Variants in CSMD2 observed in about 807,000 individuals in gnomAD.
CSMD2 encodes CUB and Sushi multiple domains 2, also known as CUB and sushi domain-containing protein 2.
CSMD2 carries 130 observed loss-of-function variants against 398.5 expected under a neutral mutation model. The observed-to-expected ratio is 0.33, with a 90% CI of 0.28 to 0.38. The LOEUF is 0.38. CSMD2 is among the 10% of genes least tolerant of loss of function. CSMD2 has a pLI of 1.00. For synonymous variants in CSMD2, 1,828 were observed against 1,908.5 expected (o/e 0.96, Z 1.10); for missense variants, 3,829 against 4,764.9 (o/e 0.80, Z 5.78).
At chr1:33,900,776 A>G (rs1177299911) in intron 5 of CSMD2, among the ~76,000 whole-genome samples, 1 of 149,868 alleles carries the variant, frequency 6.7e-6, no homozygotes, top group Non-Finnish European at 1.5e-5. Context: ...GCAAAACTCC[A>G]TCTCAAAAAA....
At position 34,042,914 on chromosome 1, in the gene CSMD2, G is replaced by A. The variant is rs541689324; in HGVS notation, c.405-10208C>T. On this transcript the variant is annotated intron_variant, in intron 2 of 70. Coordinates refer to ENST00000373381, the MANE Select transcript of CSMD2 (RefSeq NM_001281956.2). ...CACCATTCTCCTTCCTCAGCCTCCC[G>A]AGTAGCTAGGATTACAGGCCACCAC... Among the ~76,000 whole-genome samples the A allele has an allele frequency of 2.0e-5, 3 of 151,024 alleles. 1 individual carries two copies. Among genetic ancestry groups the A allele is most frequent in the Admixed American group, 1.3e-4 (2 of 15,110 alleles).
rs116437557 is a variant in CSMD2, at chr1:34,124,066, C to T, written c.188-34873G>A. On this transcript the variant is annotated intron_variant, in intron 1 of 70. Coordinates refer to ENST00000373381, the MANE Select transcript of CSMD2 (RefSeq NM_001281956.2). ...GTTCCTCAAAGGCAAAATAATCTTC[C>T]AAAATCACTCAGCTAGTAAGTCATG... 3.8e-3 allele frequency among the ~76,000 whole-genome samples: 571 copies of T among 152,264 alleles called. 3 individuals carry two copies. Among genetic ancestry groups the T allele is most frequent in the African/African-American group, 0.013 (546 of 41,540 alleles).
chr1:34,131,982 C>G (rs1476682291), intron 1 of CSMD2, among the ~76,000 whole-genome samples: 1 of 152,094 alleles, frequency 6.6e-6, no homozygotes, highest in Non-Finnish European at 1.5e-5. Context: ...AAGAGGGATT[C>G]CAACCTCTCA....
intron 7 of CSMD2, among the ~76,000 whole-genome samples, chr1:33,825,490 GGAA>G (rs1341386617): frequency 3.9e-5 from 6 of 152,254 alleles, no homozygotes; most frequent in African/African-American, 1.2e-4. Context: ...GAGGAAAATG[GGAA>G]GAGGAGGAGG....
rs1639018258 is a variant in CSMD2 at position 33,855,484 on chromosome 1, C to A, written c.921-8488G>T. Among the ~76,000 whole-genome samples the A allele has an allele frequency of 2.0e-5, 3 of 152,116 alleles. No homozygotes were observed. The South Asian group carries it at 6.2e-4, about 32-fold the overall frequency. ...GGAGATTTGGGAAATGGTGTCCTAG[C>A]ATCATTTCTTCCACTTCTGTTGCTG... On this transcript the variant is annotated intron_variant, in intron 5 of 70. Transcript: ENST00000373381.
intron 29 of CSMD2, among the ~76,000 whole-genome samples, chr1:33,641,021 A>C (rs1172702753): frequency 6.6e-6 from 1 of 152,110 alleles, no homozygotes; most frequent in Non-Finnish European, 1.5e-5. Context: ...CACACACTTC[A>C]AACTCTTCCC....
chr1:34,147,060 A>G (rs1298648728), intron 1 of CSMD2, among the ~76,000 whole-genome samples: 2 of 152,128 alleles, frequency 1.3e-5, no homozygotes, highest in Non-Finnish European at 2.9e-5. Flanking sequence ...GATCAAGACC[A>G]TCCTGGCTAA....
intron 2 of CSMD2, among the ~76,000 whole-genome samples, chr1:34,055,970 G>A (rs1653787229): frequency 6.6e-6 from 1 of 152,152 alleles, no homozygotes; most frequent in African/African-American, 2.4e-5. Context: ...CATAAGATGT[G>A]TATCACTTTG....
intron 13 of CSMD2, among the ~76,000 whole-genome samples, chr1:33,763,329 T>A (rs1225800871): frequency 6.6e-6 from 1 of 152,174 alleles, no homozygotes; most frequent in African/African-American, 2.4e-5. Context: ...TATGACCTAA[T>A]GTCTAGATCA....
At chr1:33,527,075 T>G in intron 65 of CSMD2, 121 bp downstream of exon 65, 7 of 895,738 alleles carry the variant, frequency 7.8e-6, no homozygotes, top group Non-Finnish European at 1.3e-5. Context: ...TCCAGATTTA[T>G]AGATAGTTTT....
chr1:34,112,226 C>T lies in CSMD2; in HGVS notation c.188-23033G>A, dbSNP rs1046983922. 2.0e-5 allele frequency among the ~76,000 whole-genome samples: 3 copies of T among 152,296 alleles called. No individual in the cohort carries two copies. In the East Asian group the frequency reaches 5.8e-4, roughly 29 times the overall value. On this transcript the variant is annotated intron_variant, in intron 1 of 70. Transcript: ENST00000373381. ...AGGTGAAAAACATGATCAGGCTGGG[C>T]ATGTGGAGACACTGGGTTCAGAACC...
At chr1:33,992,954 A>G (rs1330492119) in intron 3 of CSMD2, among the ~76,000 whole-genome samples, 2 of 152,096 alleles carry the variant, frequency 1.3e-5, no homozygotes, top group Non-Finnish European at 2.9e-5. Flanking sequence ...ATATGAATAG[A>G]GAAAGAGCTC....
intron 13 of CSMD2, among the ~76,000 whole-genome samples, chr1:33,750,518 C>G (rs1569713890): frequency 6.6e-6 from 1 of 152,162 alleles, no homozygotes; most frequent in Non-Finnish European, 1.5e-5. Flanking sequence ...TACCAGAGCT[C>G]AAGCTCTTGA....
intron 5 of CSMD2, among the ~76,000 whole-genome samples, chr1:33,910,507 G>A (rs185318090): frequency 4.5e-4 from 69 of 152,226 alleles, no homozygotes; most frequent in Non-Finnish European, 8.7e-4. Context: ...GTCTTGCCAG[G>A]GCTTCCACTC....
At chr1:33,927,228 C>A (rs1644157867) in intron 4 of CSMD2, among the ~76,000 whole-genome samples, 1 of 152,128 alleles carries the variant, frequency 6.6e-6, no homozygotes, top group Non-Finnish European at 1.5e-5. Flanking sequence ...TTCTTCAGTC[C>A]CCTCTTCCTG....
chr1:33,788,345 TAA>T (rs749142517), intron 12 of CSMD2, among the ~76,000 whole-genome samples: 44 of 151,676 alleles, frequency 2.9e-4, no homozygotes, highest in Middle Eastern at 3.4e-3. Context: ...CCGTCTCTAC[TAA>T]AAATACAAAA....
chr1:34,065,081 GAC>G (rs1334034631), intron 2 of CSMD2, among the ~76,000 whole-genome samples: 1 of 152,152 alleles, frequency 6.6e-6, no homozygotes, highest in Non-Finnish European at 1.5e-5. Flanking sequence ...TTTGGGTGGA[GAC>G]ACAGAGCCAA....
chr1:33,855,506 G>T (rs995255567), intron 5 of CSMD2, among the ~76,000 whole-genome samples: 1 of 152,116 alleles, frequency 6.6e-6, no homozygotes, highest in African/African-American at 2.4e-5. Context: ...CACTTCTGTT[G>T]CTGCCTCCCC....
At chr1:33,692,347 C>G (rs1645268237) in intron 25 of CSMD2, among the ~76,000 whole-genome samples, 1 of 152,150 alleles carries the variant, frequency 6.6e-6, no homozygotes, top group Non-Finnish European at 1.5e-5. Flanking sequence ...CTCCACAACT[C>G]TAAAATACAA....
Sources: gnomAD v4.1 joint callset for allele counts (sites outside exome capture counted in the v4.1 genomes callset) on GRCh38, gnomAD v4.1.1 for gene constraint, MANE v1.5 for transcripts, NCBI Gene and HGNC (gene_info 2026-07-23, HGNC 2026-07-21) for gene names.